AIG1: variants seen among roughly 807,000 people sequenced by gnomAD.
The protein encoded by AIG1 is androgen-induced gene 1 protein.
A neutral mutation model predicts 31.4 loss-of-function variants in AIG1; 23 were observed. The ratio of observed to expected loss-of-function variants is 0.73; its 90% CI spans 0.53 to 1.04. The LOEUF (loss-of-function observed/expected upper bound fraction) is 1.04, where lower values mean the gene tolerates loss of function less well. AIG1 is among the 50% of genes least tolerant of loss of function. AIG1 has a pLI of 0.00. For missense variants in AIG1, 274 were observed against 295.0 expected, an observed-to-expected ratio of 0.93 and a Z score of 0.52; for synonymous variants, 100 against 110.5, an observed-to-expected ratio of 0.90 and a Z score of 0.60.
rs1166087136 is a variant in AIG1 at position 143,330,500 on chromosome 6, T to C, written c.516-2782T>C. Reference sequence around the variant, plus strand: ...AGAGTGTTCGAGGAACACCAAGGAGTTGATGGGCTGGAGTGGCGGGGAACG... The same window carrying C: ...AGAGTGTTCGAGGAACACCAAGGAGCTGATGGGCTGGAGTGGCGGGGAACG... On this transcript the variant is annotated intron_variant, in intron 4 of 5. Coordinates refer to ENST00000357847, the MANE Select transcript of AIG1 (RefSeq NM_016108.4). The surrounding 1 kb of genome is among the most constrained non-coding windows in gnomAD (Gnocchi z 4.4). Among the ~76,000 whole-genome samples the C allele has an allele frequency of 6.6e-6, 1 of 151,536 alleles. No individual in the cohort carries two copies. Among genetic ancestry groups the C allele is most frequent in the African/African-American group, 2.4e-5 (1 of 41,212 alleles).
At chr6:143,143,700 T>C (rs2128533919) in intron 2 of AIG1, among the ~76,000 whole-genome samples, 2 of 151,834 alleles carry the variant, frequency 1.3e-5, no homozygotes, top group African/African-American at 4.8e-5. Context: ...ACCTCTGAAG[T>C]TAAAAGTACA....
chr6:143,184,936 G>A (rs1213417892), intron 3 of AIG1, among the ~76,000 whole-genome samples: 5 of 152,168 alleles, frequency 3.3e-5, no homozygotes, highest in Admixed American at 1.3e-4. Flanking sequence ...AATGGCTCAC[G>A]CCTGTAGTCC....
chr6:143,250,644 G>A (rs1462403815), intron 3 of AIG1, among the ~76,000 whole-genome samples: 1 of 152,116 alleles, frequency 6.6e-6, no homozygotes, highest in Non-Finnish European at 1.5e-5. Flanking sequence ...CAGGGGCAGA[G>A]GCAGGATGAC....
intron 4 of AIG1, among the ~76,000 whole-genome samples, chr6:143,290,093 A>G (rs961211465): frequency 6.6e-6 from 1 of 152,110 alleles, no homozygotes; most frequent in Non-Finnish European, 1.5e-5. Context: ...AATGAAGGTG[A>G]TAATGTTACT....
intron 3 of AIG1, among the ~76,000 whole-genome samples, chr6:143,238,322 G>A (rs1374245799): frequency 2.0e-5 from 3 of 152,176 alleles, no homozygotes; most frequent in Non-Finnish European, 4.4e-5. Context: ...TCCACAAAAT[G>A]GCTCCTGTTG....
chr6:143,095,055 G>A (rs1779629511), intron 1 of AIG1, among the ~76,000 whole-genome samples: 1 of 152,040 alleles, frequency 6.6e-6, no homozygotes, highest in Non-Finnish European at 1.5e-5. Context: ...AAAAGGAAAT[G>A]CAATAGCAAA....
At chr6:143,157,743 G>A (rs1306054811) in intron 2 of AIG1, among the ~76,000 whole-genome samples, 6 of 151,310 alleles carry the variant, frequency 4.0e-5, no homozygotes, top group African/African-American at 7.3e-5. Flanking sequence ...ATCTTCTATC[G>A]AATCTCAGTT....
chr6:143,215,209 A>T (rs1377324020), intron 3 of AIG1, among the ~76,000 whole-genome samples: 3 of 152,206 alleles, frequency 2.0e-5, no homozygotes, highest in Non-Finnish European at 4.4e-5. Context: ...AATAGTATTT[A>T]TGATGTCAGA....
At chr6:143,306,284 A>C (rs968722241) in intron 4 of AIG1, among the ~76,000 whole-genome samples, 20 of 152,050 alleles carry the variant, frequency 1.3e-4, no homozygotes, top group African/African-American at 4.8e-4. Context: ...TTAGCTGGTT[A>C]TTTTGCTCAT....
chr6:143,157,868 C>T (rs780221634), intron 2 of AIG1, among the ~76,000 whole-genome samples: 2 of 152,080 alleles, frequency 1.3e-5, no homozygotes, highest in Non-Finnish European at 2.9e-5. Context: ...TCATATTCCT[C>T]TCTATGTTTT....
chr6:143,316,843 G>A (rs960714348), intron 4 of AIG1, among the ~76,000 whole-genome samples: 1 of 151,982 alleles, frequency 6.6e-6, no homozygotes, highest in Admixed American at 6.6e-5. Flanking sequence ...TGATACCACA[G>A]AAATACAAGA....
At chr6:143,271,679 T>A (rs1796538912) in intron 3 of AIG1, among the ~76,000 whole-genome samples, 1 of 152,220 alleles carries the variant, frequency 6.6e-6, no homozygotes, top group Non-Finnish European at 1.5e-5. Flanking sequence ...GGAAATGTGT[T>A]ACTATTTTCA....
chr6:143,207,876 G>T (rs989325), intron 3 of AIG1, among the ~76,000 whole-genome samples: 6,068 of 152,136 alleles, frequency 0.04, 460 homozygotes, highest in East Asian at 0.31. Context: ...TTGCCTAAAA[G>T]GTTTGTTGCC....
intron 3 of AIG1, among the ~76,000 whole-genome samples, chr6:143,184,364 T>A (rs911019132): frequency 3.3e-5 from 5 of 152,234 alleles, no homozygotes; most frequent in African/African-American, 1.2e-4. Context: ...GCACTACGTG[T>A]GTCCTTCCCT....
At chr6:143,112,911 G>A (rs535623272) in intron 1 of AIG1, among the ~76,000 whole-genome samples, 1 of 152,252 alleles carries the variant, frequency 6.6e-6, no homozygotes, top group South Asian at 2.1e-4. Context: ...AACGTATTAA[G>A]CCATATTTTA....
chr6:143,205,823 A>G (rs774898211), intron 3 of AIG1, among the ~76,000 whole-genome samples: 1 of 152,224 alleles, frequency 6.6e-6, no homozygotes, highest in Non-Finnish European at 1.5e-5. Context: ...CCCCAAACAA[A>G]AGCTTTTAAT....
intron 3 of AIG1, among the ~76,000 whole-genome samples, chr6:143,241,007 T>G (rs1230082415): frequency 1.3e-5 from 2 of 152,200 alleles, no homozygotes; most frequent in African/African-American, 4.8e-5. Flanking sequence ...TCTATAGATT[T>G]TCCTTTACAA....
chr6:143,157,995 A>G (rs1215629350), intron 2 of AIG1, among the ~76,000 whole-genome samples: 1 of 152,208 alleles, frequency 6.6e-6, no homozygotes, highest in African/African-American at 2.4e-5. Flanking sequence ...GAGACAGACT[A>G]GGGAATGGAG....
intron 3 of AIG1, among the ~76,000 whole-genome samples, chr6:143,259,393 A>T (rs973591186): frequency 2.6e-5 from 4 of 152,096 alleles, no homozygotes; most frequent in Non-Finnish European, 4.4e-5. Context: ...GTCTTCCCTG[A>T]TACTACACTT....
Sources: allele counts gnomAD v4.1 joint callset (sites outside exome capture counted in the v4.1 genomes callset), GRCh38; gene constraint gnomAD v4.1.1; non-coding constraint Gnocchi (gnomAD v3.1); transcripts MANE v1.5; gene names NCBI Gene and HGNC (gene_info 2026-07-23, HGNC 2026-07-21).